LBHD2: variants seen among roughly 807,000 people sequenced by gnomAD.
LBHD2 encodes the protein LBH domain containing 2, also known as LBH domain-containing protein 2.
intron 2 of LBHD2, among the ~76,000 whole-genome samples, chr14:103,087,063 C>T (rs1458898332): frequency 6.6e-6 from 1 of 152,234 alleles, no homozygotes; most frequent in African/African-American, 2.4e-5. Flanking sequence ...CTGGCAATGC[C>T]AGCATGAGGG....
At chr14:103,088,308 C>G (rs1057126734) in intron 3 of LBHD2, 67 bp downstream of exon 3, 1 of 398,368 alleles carries the variant, frequency 2.5e-6, no homozygotes, top group Non-Finnish European at 4.4e-6. Flanking sequence ...AGAAGCGGGG[C>G]GTGCTTCCTG....
rs180817225 is a variant in LBHD2, at chr14:103,084,508, T to C, written c.-38+161T>C. Among the ~76,000 whole-genome samples the C allele has an allele frequency of 3.5e-3, 528 of 152,320 alleles. 2 individuals carry two copies. Among genetic ancestry groups the C allele is most frequent in the African/African-American group, 0.012 (494 of 41,574 alleles). Reference sequence around the variant, plus strand: ...CCCCGGGGCTGTGCCCAGCAAGACCTGGGATCCCGCGGCGCTGGGGGTGGT... The same window carrying C: ...CCCCGGGGCTGTGCCCAGCAAGACCCGGGATCCCGCGGCGCTGGGGGTGGT... On this transcript the variant is annotated intron_variant, in intron 1 of 3. Coordinates refer to ENST00000634353, the MANE Select transcript of LBHD2 (RefSeq NM_001330236.2).
intron 1 of LBHD2, among the ~76,000 whole-genome samples, chr14:103,084,820 C>T (rs955606901): frequency 9.2e-5 from 14 of 152,210 alleles, no homozygotes; most frequent in Admixed American, 7.9e-4. Context: ...CTTCCCAAGG[C>T]TGGCTGGGTC....
intron 2 of LBHD2, among the ~76,000 whole-genome samples, chr14:103,087,449 A>G (rs1430759778): frequency 1.3e-5 from 2 of 152,212 alleles, no homozygotes; most frequent in Non-Finnish European, 2.9e-5. Flanking sequence ...CAGGGCAGGC[A>G]AGTCAGGGCC....
rs114183021 is a variant in LBHD2 at position 103,089,784 on chromosome 14, C to T, written c.314C>T (p.Pro105Leu). 1.4e-3 allele frequency: 565 copies of T among 398,646 alleles called. 3 individuals are homozygous for T. Among genetic ancestry groups the T allele is most frequent in the African/African-American group, 0.01 (489 of 48,764 alleles). 24.7% of individuals were successfully genotyped at this position (398,646 alleles called of 1,614,324 possible). A position where few individuals can be genotyped will look rare whatever the true frequency, so the allele number is the denominator to read the frequency against. The change falls in exon 4 of 4, where the codon CCG (proline) becomes CTG (leucine). Residue 105 changes from proline to leucine, a missense_variant. Transcript: ENST00000634353. ...ECACSEDPAA[P>L]ARG The stretch of plus-strand genomic sequence containing the variant: ...GCCTGCTCCGAGGACCCAGCAGCCC[C>T]GGCCCGGGGATAGGACAAGGACGTG...
intron 3 of LBHD2, 69 bp from the exon 4 acceptor site, chr14:103,089,628 G>A (rs1303060768): frequency 1.0e-5 from 4 of 398,206 alleles, no homozygotes; most frequent in African/African-American, 2.1e-5. Context: ...CGCTCATTTC[G>A]GGCCCCTGGG....
rs1417700804 is a variant in LBHD2 at position 103,089,872 on chromosome 14, G to C, written c.*75G>C. The C allele has an allele frequency of 5.0e-6, 2 of 398,294 alleles. No individual in the cohort carries two copies. The highest frequency in any genetic ancestry group is 7.1e-5 in the East Asian group (2 of 28,054). The allele number at this position is 398,294 out of a possible 1,614,324, so 24.7% of individuals were successfully genotyped here. A position where few individuals can be genotyped will look rare whatever the true frequency, so the allele number is the denominator to read the frequency against. The stretch of plus-strand genomic sequence containing the variant: ...CCAGGGTGGCCGGGCTGATGCACAG[G>C]AGGGCCGGGCCTGCCCAGCCTGGAA... On this transcript the variant is annotated 3_prime_UTR_variant, in exon 4 of 4. Transcript: ENST00000634353.
At chr14:103,089,516 C>T (rs1444552199) in intron 3 of LBHD2, among the ~76,000 whole-genome samples, 181 bp from the exon 4 acceptor site, 3 of 152,188 alleles carry the variant, frequency 2.0e-5, no homozygotes, top group Admixed American at 1.3e-4. Context: ...TGCCCCTGCT[C>T]GCAGAGCCCA....
At chr14:103,086,949 G>A (rs754841196) in intron 2 of LBHD2, among the ~76,000 whole-genome samples, 33 of 152,208 alleles carry the variant, frequency 2.2e-4, no homozygotes, top group Non-Finnish European at 4.3e-4. Flanking sequence ...CCTGGACCTC[G>A]TTCACCCCAG....
In LBHD2 at chr14:103,089,977, C is replaced by T. The variant is rs893329895; in HGVS notation, c.*180C>T. 4.0e-5 allele frequency: 16 copies of T among 396,648 alleles called. No individual in the cohort carries two copies. Among genetic ancestry groups the T allele is most frequent in the African/African-American group, 1.4e-4 (7 of 48,634 alleles). The allele number at this position is 396,648 out of a possible 1,614,324, so 24.6% of individuals were successfully genotyped here. ...CTGCCCATGGCCCAGGTCTGGATCA[C>T]ACCCCGCTTTGTTCCGTGGTTTGAA... On this transcript the variant is annotated 3_prime_UTR_variant, in exon 4 of 4. Coordinates refer to ENST00000634353, the MANE Select transcript of LBHD2 (RefSeq NM_001330236.2).
rs1238334265 is a variant in LBHD2, at chr14:103,088,254, G to A, written c.226+13G>A. On this transcript the variant is annotated intron_variant, in intron 3 of 3. Coordinates refer to ENST00000634353, the MANE Select transcript of LBHD2 (RefSeq NM_001330236.2). The stretch of plus-strand genomic sequence containing the variant: ...CGGGCTGCTGCTGGTAAGTGAGGGT[G>A]CCTGTGGGGGTGCTGAGAGGAGGAA... 1 of 398,932 alleles carries A rather than the reference G, an allele frequency of 2.5e-6. No individual in the cohort carries two copies. Among genetic ancestry groups the A allele is most frequent in the Admixed American group, 4.4e-5 (1 of 22,742 alleles). 24.7% of individuals were successfully genotyped at this position (398,932 alleles called of 1,614,324 possible). A position where few individuals can be genotyped will look rare whatever the true frequency, so the allele number is the denominator to read the frequency against.
At chr14:103,085,127 C>T (rs1015685046) in intron 1 of LBHD2, among the ~76,000 whole-genome samples, 3 of 152,130 alleles carry the variant, frequency 2.0e-5, no homozygotes, top group Non-Finnish European at 4.4e-5. Context: ...GCTTTGCTGG[C>T]GGCCACAGGA....
At chr14:103,084,769 G>A (rs887037035) in intron 1 of LBHD2, among the ~76,000 whole-genome samples, 6 of 151,994 alleles carry the variant, frequency 3.9e-5, no homozygotes, top group African/African-American at 1.2e-4. Context: ...CCTCTCGCCT[G>A]GTCTCTGTGG....
chr14:103,088,260 G>C lies in LBHD2; in HGVS notation c.226+19G>C. The stretch of plus-strand genomic sequence containing the variant: ...GCTGCTGGTAAGTGAGGGTGCCTGT[G>C]GGGGTGCTGAGAGGAGGAAGTGGCC... On this transcript the variant is annotated intron_variant, in intron 3 of 3. Coordinates refer to ENST00000634353, the MANE Select transcript of LBHD2 (RefSeq NM_001330236.2). 2.5e-6 allele frequency: 1 copy of C among 398,970 alleles called. No homozygotes were observed. The highest frequency in any genetic ancestry group is 4.4e-6 in the Non-Finnish European group (1 of 226,354). 24.7% of individuals were successfully genotyped at this position (398,970 alleles called of 1,614,324 possible). A position where few individuals can be genotyped will look rare whatever the true frequency, so the allele number is the denominator to read the frequency against.
At position 103,086,096 on chromosome 14, in the gene LBHD2, C is replaced by T. The variant is rs935597567; in HGVS notation, c.69+15C>T. On this transcript the variant is annotated intron_variant, in intron 2 of 3. Coordinates refer to ENST00000634353, the MANE Select transcript of LBHD2 (RefSeq NM_001330236.2). ...CAGAAGGGAAGGTATGCGCTCGGGA[C>T]CCTGGGGGGGTCGGGAGGGAGCAAG... is the stretch of plus-strand genomic sequence containing the variant. The T allele has an allele frequency of 7.8e-6, 3 of 385,414 alleles. No individual in the cohort carries two copies. The highest frequency in any genetic ancestry group is 1.4e-4 in the South Asian group (1 of 7,282). The allele number at this position is 385,414 out of a possible 1,614,324, so 23.9% of individuals were successfully genotyped here. A position where few individuals can be genotyped will look rare whatever the true frequency, so the allele number is the denominator to read the frequency against.
At chr14:103,088,410 G>A (rs1246194942) in intron 3 of LBHD2, among the ~76,000 whole-genome samples, 169 bp downstream of exon 3, 3 of 152,228 alleles carry the variant, frequency 2.0e-5, no homozygotes, top group African/African-American at 7.2e-5. Context: ...TCTAGGTGCT[G>A]CCTGGCCTTA....
At chr14:103,087,027 G>A (rs558153293) in intron 2 of LBHD2, among the ~76,000 whole-genome samples, 151 of 152,374 alleles carry the variant, frequency 9.9e-4, no homozygotes, top group African/African-American at 3.5e-3. Flanking sequence ...GGGAGGGAGA[G>A]CAGGCTGGGG....
At chr14:103,088,644 G>A (rs1651159664) in intron 3 of LBHD2, among the ~76,000 whole-genome samples, 1 of 152,228 alleles carries the variant, frequency 6.6e-6, no homozygotes, top group South Asian at 2.1e-4. Flanking sequence ...TGCTTGTGGT[G>A]GGGGGATGGG....
chr14:103,088,935 A>C (rs1380819003), intron 3 of LBHD2, among the ~76,000 whole-genome samples: 2 of 152,238 alleles, frequency 1.3e-5, no homozygotes. Context: ...CAGAGGTTGC[A>C]GTGAGCTGAG....
Sources: allele counts gnomAD v4.1 joint callset (sites outside exome capture counted in the v4.1 genomes callset), GRCh38; gene constraint gnomAD v4.1.1; transcripts MANE v1.5; gene names NCBI Gene and HGNC (gene_info 2026-07-23, HGNC 2026-07-21).